Variants in ARMC9 observed in about 807,000 individuals in gnomAD.
The protein encoded by ARMC9 is armadillo repeat containing 9.
Under a neutral mutation model 107.0 loss-of-function variants are expected in ARMC9, and 94 were observed. That is an observed-to-expected ratio of 0.88 (90% CI 0.74 to 1.04). The LOEUF (loss-of-function observed/expected upper bound fraction) is 1.04. ARMC9 is among the 50% of genes least tolerant of loss of function. The pLI, the probability that ARMC9 is intolerant of heterozygous loss-of-function variation, is 0.00. For missense variants in ARMC9, 942 were observed against 1,030.1 expected (o/e 0.91, Z 1.17); for synonymous variants, 380 against 396.9 (o/e 0.96, Z 0.51).
At chr2:231,258,957 T>C (rs750816607) in intron 10 of ARMC9, 34 bp from the exon 11 acceptor site, 2 of 1,569,830 alleles carry the variant, frequency 1.3e-6, no homozygotes, top group Non-Finnish European at 1.8e-6. Context: ...CCTTTTGCCC[T>C]TTTCTTTCTC....
chr2:231,271,064 T>C lies in ARMC9; in HGVS notation c.1202T>C (p.Leu401Pro), dbSNP rs759550519. 5.0e-6 allele frequency: 8 copies of C among 1,614,140 alleles called. No homozygotes were observed. Among genetic ancestry groups the C allele is most frequent in the Non-Finnish European group, 6.8e-6 (8 of 1,180,010 alleles). The change falls in exon 13 of 25, where the codon CTG becomes CCG. Residue 401 changes from leucine (L) to proline (P), a missense_variant. Coordinates refer to ENST00000611582, the MANE Select transcript of ARMC9 (RefSeq NM_001352754.2). ...AGGCTCATCAATGCTTTTGCGTCAC[T>C]GGCAGAAGGTGAGACATCAGCTTTG... ...MARLINAFAS[L>P]AEGRLYLAQN...
chr2:231,256,741 T>C lies in ARMC9; in HGVS notation c.914+121T>C, dbSNP rs192812888. On this transcript the variant is annotated intron_variant, in intron 10 of 24. Transcript: ENST00000611582. ...TAGAGGAATGCCTTTGAGCTAGAGC[T>C]ACATGTGAATATTAAAGGAAATACG... is the stretch of plus-strand genomic sequence containing the variant. 12 of 987,336 alleles carry C rather than the reference T, an allele frequency of 1.2e-5. No individual in the cohort carries two copies. The Admixed American group carries it at 1.6e-4, about 13-fold the overall frequency. 61.2% of individuals were successfully genotyped at this position (987,336 alleles called of 1,614,324 possible). A position where few individuals can be genotyped will look rare whatever the true frequency, so the allele number is the denominator to read the frequency against.
At chr2:231,311,060 G>A (rs961099042) in intron 19 of ARMC9, among the ~76,000 whole-genome samples, 10 of 152,198 alleles carry the variant, frequency 6.6e-5, no homozygotes, top group Non-Finnish European at 1.3e-4. Context: ...CCAAGAGGTT[G>A]AGGCTTCAGA....
chr2:231,245,332 T>A (rs1242984080), intron 9 of ARMC9, among the ~76,000 whole-genome samples: 1 of 152,194 alleles, frequency 6.6e-6, no homozygotes, highest in Non-Finnish European at 1.5e-5. Flanking sequence ...TTTCTAAGAT[T>A]ACGCAAGTCA....
At chr2:231,211,142 AC>A (rs1559291603) in intron 3 of ARMC9, among the ~76,000 whole-genome samples, 4 of 150,202 alleles carry the variant, frequency 2.7e-5, no homozygotes, top group African/African-American at 7.5e-5. Flanking sequence ...ACACATACAC[AC>A]ACACACACAC....
chr2:231,213,744 G>A (rs1414042735), intron 3 of ARMC9, among the ~76,000 whole-genome samples: 1 of 152,090 alleles, frequency 6.6e-6, no homozygotes, highest in Admixed American at 6.6e-5. Flanking sequence ...CGAAGTGCTG[G>A]GATTACAGGT....
At chr2:231,272,186 G>GTTT (rs1651813406) in intron 13 of ARMC9, among the ~76,000 whole-genome samples, 1 of 128,062 alleles carries the variant, frequency 7.8e-6, no homozygotes, top group African/African-American at 3.5e-5. Flanking sequence ...GTGTGTGTTT[G>GTTT]GTTTTTTTTT....
Position 231,292,014 on chromosome 2 carries a change from C to T in ARMC9, c.1717+571C>T, listed in dbSNP as rs553208824. On this transcript the variant is annotated intron_variant, in intron 18 of 24. Coordinates refer to ENST00000611582, the MANE Select transcript of ARMC9 (RefSeq NM_001352754.2). ...TGAAACCCCGTCTCTACTAAAAATG[C>T]AAAATTAGCCAGGCGTGGTGGCGCA... Among the ~76,000 whole-genome samples the T allele has an allele frequency of 6.7e-5, 10 of 150,328 alleles. No homozygotes were observed. The South Asian group carries it at 2.1e-3, about 32-fold the overall frequency.
chr2:231,321,123 G>A (rs1300013359), intron 19 of ARMC9, among the ~76,000 whole-genome samples: 1 of 152,250 alleles, frequency 6.6e-6, no homozygotes, highest in Non-Finnish European at 1.5e-5. Flanking sequence ...AGGTGCTTGT[G>A]AGGATCAAAT....
chr2:231,347,480 G>A (rs993051713), intron 21 of ARMC9, among the ~76,000 whole-genome samples: 4 of 149,708 alleles, frequency 2.7e-5, no homozygotes, highest in East Asian at 1.9e-4. Context: ...CGGGCTACAC[G>A]ATGCTGATGT....
At chr2:231,224,425 C>G (rs1336561212) in intron 6 of ARMC9, among the ~76,000 whole-genome samples, 1 of 152,070 alleles carries the variant, frequency 6.6e-6, no homozygotes, top group South Asian at 2.1e-4. Flanking sequence ...TGAACTTCAG[C>G]CTGGGCAACA....
chr2:231,340,513 A>G (rs1212261550), intron 20 of ARMC9, among the ~76,000 whole-genome samples: 1 of 151,940 alleles, frequency 6.6e-6, no homozygotes, highest in Non-Finnish European at 1.5e-5. Context: ...ATTACTAGAG[A>G]CCATTCCTAC....
intron 20 of ARMC9, among the ~76,000 whole-genome samples, chr2:231,344,708 T>C (rs1237571532): frequency 6.6e-6 from 1 of 152,228 alleles, no homozygotes; most frequent in Non-Finnish European, 1.5e-5. Flanking sequence ...TGAGTTCCAG[T>C]AGATCAACCG....
chr2:231,224,356 G>T (rs2034446216), intron 6 of ARMC9, among the ~76,000 whole-genome samples: 1 of 152,178 alleles, frequency 6.6e-6, no homozygotes, highest in African/African-American at 2.4e-5. Flanking sequence ...GGGGAGACAG[G>T]TGGGCGAATC....
chr2:231,342,334 G>A (rs148587200), intron 20 of ARMC9, among the ~76,000 whole-genome samples: 52 of 152,284 alleles, frequency 3.4e-4, no homozygotes, highest in African/African-American at 1.2e-3. Flanking sequence ...TTATTTTCCA[G>A]GTTTCTGTAG....
intron 19 of ARMC9, among the ~76,000 whole-genome samples, chr2:231,299,718 C>T (rs1022293925): frequency 6.6e-6 from 1 of 152,110 alleles, no homozygotes; most frequent in Admixed American, 6.5e-5. Context: ...GTAGCTCCAG[C>T]CGAGAGGGAG....
At chr2:231,290,452 A>G (rs2040907989) in intron 17 of ARMC9, among the ~76,000 whole-genome samples, 1 of 152,208 alleles carries the variant, frequency 6.6e-6, no homozygotes, top group Non-Finnish European at 1.5e-5. Flanking sequence ...AGGGGCTTAC[A>G]TGCCACTAGA....
chr2:231,300,518 T>C (rs1247300692), intron 19 of ARMC9, among the ~76,000 whole-genome samples: 2 of 152,196 alleles, frequency 1.3e-5, no homozygotes, highest in Non-Finnish European at 1.5e-5. Flanking sequence ...CCAGGCACTG[T>C]TCTAGGCGCC....
At chr2:231,349,256 G>T (rs1033887538) in intron 21 of ARMC9, among the ~76,000 whole-genome samples, 1 of 152,184 alleles carries the variant, frequency 6.6e-6, no homozygotes, top group African/African-American at 2.4e-5. Context: ...CAGTGCAAAA[G>T]AATGAGATCC....
Sources: allele counts gnomAD v4.1 joint callset (sites outside exome capture counted in the v4.1 genomes callset), GRCh38; gene constraint gnomAD v4.1.1; transcripts MANE v1.5; gene names NCBI Gene and HGNC (gene_info 2026-07-23, HGNC 2026-07-21).